BRDT: variants seen among roughly 807,000 people sequenced by gnomAD.
The protein encoded by BRDT is bromodomain testis associated.
BRDT carries 77 observed loss-of-function variants against 113.9 expected under a neutral mutation model. The observed-to-expected ratio is 0.68, with a 90% confidence interval of 0.56 to 0.82. The LOEUF is 0.82. Among genes scored for constraint, BRDT ranks in the 40% least tolerant of loss-of-function variants. The probability of loss-of-function intolerance (pLI) is 0.00; values close to 1 mark genes in which losing one functional copy is unlikely to be tolerated. For synonymous variants in BRDT, 358 were observed against 366.5 expected (o/e 0.98, Z 0.26); for missense variants, 1,027 against 1,105.4 (o/e 0.93, Z 1.01).
intron 4 of BRDT, among the ~76,000 whole-genome samples, chr1:91,975,289 A>T (rs565185982): frequency 3.8e-4 from 57 of 151,640 alleles, no homozygotes; most frequent in Non-Finnish European, 6.5e-4. Flanking sequence ...AATAAAAAAA[A>T]TTTTAAAAAA....
chr1:92,002,575 C>T (rs563066735), intron 16 of BRDT, among the ~76,000 whole-genome samples: 11 of 152,248 alleles, frequency 7.2e-5, no homozygotes, highest in Non-Finnish European at 1.5e-4. Flanking sequence ...GCCACGTTGG[C>T]CAGGTTGGTC....
chr1:91,978,766 C>T (rs755663019), intron 7 of BRDT, among the ~76,000 whole-genome samples: 4 of 151,874 alleles, frequency 2.6e-5, no homozygotes, highest in Non-Finnish European at 4.4e-5. Context: ...TTTGGGAGGC[C>T]GAGGCGGGTG....
At chr1:91,998,443 C>A (rs993688370) in intron 15 of BRDT, among the ~76,000 whole-genome samples, 1 of 152,032 alleles carries the variant, frequency 6.6e-6, no homozygotes, top group African/African-American at 2.4e-5. Flanking sequence ...CACTATGGCA[C>A]GTGTAACAAA....
At chr1:91,968,414 C>G in intron 4 of BRDT, 154 bp downstream of exon 4, 1 of 1,174,500 alleles carries the variant, frequency 8.5e-7, no homozygotes, top group Non-Finnish European at 1.2e-6. Context: ...ATCTGCCAAA[C>G]CTTGATCACA....
At chr1:91,989,105 C>G (rs965593386) in intron 12 of BRDT, among the ~76,000 whole-genome samples, 1 of 151,406 alleles carries the variant, frequency 6.6e-6, no homozygotes, top group Admixed American at 6.6e-5. Context: ...CCTTGAGGTG[C>G]TAAGTTTTAT....
rs1396002323 is a variant in BRDT at position 91,979,630 on chromosome 1, G to A, written c.1160G>A (p.Cys387Tyr). The A allele has an allele frequency of 2.5e-6, 4 of 1,613,764 alleles. No individual in the cohort carries two copies. Among genetic ancestry groups the A allele is most frequent in the East Asian group, 2.2e-5 (1 of 44,864 alleles). The change falls in exon 8 of 19, where the codon TGT becomes TAT. Residue 387 changes from cysteine (C) to tyrosine (Y), a missense_variant. By Grantham distance (194) the Cys-to-Tyr change is radical (BLOSUM62 -2). Coordinates refer to ENST00000399546, the MANE Select transcript of BRDT (RefSeq NM_207189.4). ...PIEPVESMPL[C>Y]YIKTDITETT... ...GAACCTGTTGAGAGTATGCCTTTATGTTACATCAAAACAGATATCACAGAA... is the reference window on the plus strand; with the variant it reads ...GAACCTGTTGAGAGTATGCCTTTATATTACATCAAAACAGATATCACAGAA...
chr1:91,991,423 T>C (rs1445557028), intron 13 of BRDT, among the ~76,000 whole-genome samples, 178 bp downstream of exon 13: 1 of 152,202 alleles, frequency 6.6e-6, no homozygotes, highest in Non-Finnish European at 1.5e-5. Context: ...ATAGGGAAGC[T>C]ATTTGGCTTC....
At chr1:91,971,203 C>T (rs889632607) in intron 4 of BRDT, among the ~76,000 whole-genome samples, 3 of 152,060 alleles carry the variant, frequency 2.0e-5, no homozygotes, top group African/African-American at 7.2e-5. Flanking sequence ...CCAAGAGATT[C>T]ATGAGGGATC....
At chr1:91,965,654 C>T (rs1250437728) in intron 3 of BRDT, among the ~76,000 whole-genome samples, 1 of 152,042 alleles carries the variant, frequency 6.6e-6, no homozygotes, top group African/African-American at 2.4e-5. Flanking sequence ...TCAAGACCAT[C>T]CTGACCAACA....
At chr1:91,989,929 T>A in intron 12 of BRDT, among the ~76,000 whole-genome samples, 1 of 152,242 alleles carries the variant, frequency 6.6e-6, no homozygotes, top group East Asian at 1.9e-4. Context: ...TGATGGCTTT[T>A]CAGAAGGCAG....
intron 7 of BRDT, among the ~76,000 whole-genome samples, chr1:91,978,710 C>T (rs770812420): frequency 2.0e-5 from 3 of 151,996 alleles, no homozygotes; most frequent in African/African-American, 4.8e-5. Context: ...AAAGAAGATC[C>T]CCTGTGCTGG....
intron 5 of BRDT, 67 bp from the exon 6 acceptor site, chr1:91,976,971 TTTAAC>T (rs536015282): frequency 2.4e-6 from 3 of 1,233,968 alleles, no homozygotes; most frequent in South Asian, 3.6e-5. Context: ...CTTTTTTTCT[TTTAAC>T]TGATAAGGAA....
intron 15 of BRDT, 115 bp downstream of exon 15, chr1:91,994,369 A>G (rs939550224): frequency 9.4e-6 from 8 of 852,572 alleles, no homozygotes; most frequent in Non-Finnish European, 1.4e-5. Flanking sequence ...ACCAACAATC[A>G]TAACTAGTAA....
At chr1:91,961,512 G>C (rs1376203741) in intron 1 of BRDT, among the ~76,000 whole-genome samples, 1 of 151,650 alleles carries the variant, frequency 6.6e-6, no homozygotes. Context: ...ATCTGTAGTC[G>C]CAGCTACTTG....
In BRDT at chr1:91,977,373, A is replaced by G. The variant is rs1005669826; in HGVS notation, c.949A>G (p.Met317Val). 1 of 1,590,812 alleles carries G rather than the reference A, an allele frequency of 6.3e-7. No individual in the cohort carries two copies. The highest frequency in any genetic ancestry group is 1.4e-5 in the African/African-American group (1 of 73,954). Residue 317 changes from methionine (M) to valine (V), a missense_variant, in exon 6 of 19, where the codon ATG becomes GTG. Met to Val is a conservative substitution (Grantham distance 21, BLOSUM62 1). Transcript: ENST00000399546. ...HNYYDVVKNP[M>V]DLGTIKEKMD... ...CTACTATGACGTTGTCAAAAATCCG[A>G]TGGATCTTGGAACTATTAAGGTAAA...
intron 6 of BRDT, 106 bp downstream of exon 6, chr1:91,977,499 C>A: frequency 1.0e-6 from 1 of 992,014 alleles, no homozygotes; most frequent in Non-Finnish European, 1.5e-6. Flanking sequence ...AAATTAAGAT[C>A]ATCCAAGTCA....
intron 12 of BRDT, among the ~76,000 whole-genome samples, chr1:91,982,816 A>G (rs1684842697): frequency 6.6e-6 from 1 of 152,240 alleles, no homozygotes; most frequent in Non-Finnish European, 1.5e-5. Flanking sequence ...TTGTCATACT[A>G]GAAAATTTAA....
At chr1:91,985,840 G>A (rs923527079) in intron 12 of BRDT, among the ~76,000 whole-genome samples, 2 of 150,850 alleles carry the variant, frequency 1.3e-5, no homozygotes, top group Admixed American at 6.6e-5. Flanking sequence ...GGGTTTCACC[G>A]TGTTAGCCAG....
chr1:91,969,220 G>A (rs951905543), intron 4 of BRDT, among the ~76,000 whole-genome samples: 11 of 151,992 alleles, frequency 7.2e-5, no homozygotes, highest in African/African-American at 2.4e-4. Context: ...GATTACAGGC[G>A]TGAGCCACCG....
Sources: gnomAD v4.1 joint callset for allele counts (sites outside exome capture counted in the v4.1 genomes callset) on GRCh38, gnomAD v4.1.1 for gene constraint, MANE v1.5 for transcripts, NCBI Gene and HGNC (gene_info 2026-07-23, HGNC 2026-07-21) for gene names.